DLGAP2: variants seen among roughly 807,000 people sequenced by gnomAD.
The protein encoded by DLGAP2 is DLG associated protein 2, also known as disks large-associated protein 2.
In DLGAP2, 26 loss-of-function variants were observed where a neutral mutation model predicts 100.3. The ratio of observed to expected loss-of-function variants is 0.26; its 90% CI spans 0.19 to 0.36. The LOEUF (loss-of-function observed/expected upper bound fraction) is 0.36. Ranked by LOEUF, DLGAP2 falls within the 10% of genes least tolerant of loss-of-function variation. The pLI is 1.00. For missense variants in DLGAP2, 1,858 were observed against 1,453.2 expected, an observed-to-expected ratio of 1.28 and a Z score of -4.53; for synonymous variants, 886 against 630.1, an observed-to-expected ratio of 1.41 and a Z score of -6.08.
intron 2 of DLGAP2, among the ~76,000 whole-genome samples, chr8:1,184,220 T>A (rs576121807): frequency 6.6e-6 from 1 of 152,364 alleles, no homozygotes; most frequent in East Asian, 1.9e-4. Flanking sequence ...AAGGTTAAAA[T>A]TTAAGTTGCA....
chr8:1,239,764 A>T (rs1287666877), intron 2 of DLGAP2, among the ~76,000 whole-genome samples: 1 of 26,598 alleles, frequency 3.8e-5, no homozygotes, highest in Non-Finnish European at 6.8e-5. Context: ...CTCACATGGC[A>T]CCGTGTCTAG....
chr8:1,464,411 C>CG (rs1563165039), intron 3 of DLGAP2, among the ~76,000 whole-genome samples: 6 of 80,280 alleles, frequency 7.5e-5, no homozygotes, highest in African/African-American at 1.5e-4. Context: ...CCTTCCAGGA[C>CG]AGCTCCCTTT....
At chr8:765,094 G>A (rs1290290778) in intron 1 of DLGAP2, among the ~76,000 whole-genome samples, 13 of 152,164 alleles carry the variant, frequency 8.5e-5, no homozygotes, top group Admixed American at 8.5e-4. Flanking sequence ...AGGGACTTGA[G>A]GAAATGGGGC....
intron 2 of DLGAP2, among the ~76,000 whole-genome samples, chr8:984,286 A>G (rs1800425160): frequency 6.6e-6 from 1 of 152,128 alleles, no homozygotes; most frequent in Non-Finnish European, 1.5e-5. Flanking sequence ...GAGCTGGTCA[A>G]AATCTCTCTC....
chr8:1,520,609 C>G (rs898212244), intron 4 of DLGAP2, among the ~76,000 whole-genome samples: 7 of 152,194 alleles, frequency 4.6e-5, no homozygotes, highest in Non-Finnish European at 1.5e-5. Context: ...CCCCCAACCC[C>G]TGGCAAACAC....
intron 3 of DLGAP2, among the ~76,000 whole-genome samples, chr8:1,328,683 C>T (rs1801079373): frequency 6.6e-6 from 1 of 152,130 alleles, no homozygotes; most frequent in Non-Finnish European, 1.5e-5. Context: ...TAGTGATCGT[C>T]ATTATTCATT....
At chr8:1,613,841 G>A (rs531452575) in intron 6 of DLGAP2, among the ~76,000 whole-genome samples, 127 of 152,216 alleles carry the variant, frequency 8.3e-4, no homozygotes, top group African/African-American at 2.7e-3. Flanking sequence ...ATTCTTTTTG[G>A]AAAAATCATA....
intron 3 of DLGAP2, among the ~76,000 whole-genome samples, chr8:1,353,564 T>C (rs1801783149): frequency 6.6e-6 from 1 of 152,198 alleles, no homozygotes; most frequent in Admixed American, 6.5e-5. Flanking sequence ...ATTAAATGCA[T>C]TTTTGACTTA....
intron 3 of DLGAP2, among the ~76,000 whole-genome samples, chr8:1,496,026 G>A (rs1799536194): frequency 6.6e-6 from 1 of 152,094 alleles, no homozygotes; most frequent in African/African-American, 2.4e-5. Flanking sequence ...GTTCTCCTTC[G>A]AGTGCCCAGA....
At chr8:1,074,071 C>A (rs908722578) in intron 2 of DLGAP2, among the ~76,000 whole-genome samples, 1 of 137,952 alleles carries the variant, frequency 7.2e-6, no homozygotes, top group African/African-American at 3.2e-5. Context: ...GGGTTTGCAG[C>A]AGACTGAGGC....
chr8:1,167,906 G>GT (rs1248642543), intron 2 of DLGAP2, among the ~76,000 whole-genome samples: 16 of 151,970 alleles, frequency 1.1e-4, no homozygotes, highest in African/African-American at 3.6e-4. Flanking sequence ...TATACTTTAA[G>GT]TTTTAGGGTA....
At chr8:1,049,602 C>T (rs1292540135) in intron 2 of DLGAP2, among the ~76,000 whole-genome samples, 1 of 152,100 alleles carries the variant, frequency 6.6e-6, no homozygotes, top group Non-Finnish European at 1.5e-5. Context: ...TATTCCTCCA[C>T]TCTGAAATAA....
intron 3 of DLGAP2, among the ~76,000 whole-genome samples, chr8:1,278,285 T>G (rs979735926): frequency 1.3e-5 from 2 of 152,198 alleles, no homozygotes; most frequent in African/African-American, 2.4e-5. Context: ...TTCTAAGATC[T>G]CTTCCAGTTG....
chr8:1,057,740 C>T (rs1802926114), intron 2 of DLGAP2, among the ~76,000 whole-genome samples: 1 of 152,244 alleles, frequency 6.6e-6, no homozygotes, highest in African/African-American at 2.4e-5. Context: ...TGACTATGTT[C>T]ATTGATACTA....
chr8:1,507,918 C>G (rs1016751854), intron 4 of DLGAP2, among the ~76,000 whole-genome samples: 5 of 149,426 alleles, frequency 3.3e-5, no homozygotes, highest in African/African-American at 1.3e-4. Flanking sequence ...AGCATCGTGA[C>G]CACACATTTT....
intron 3 of DLGAP2, among the ~76,000 whole-genome samples, chr8:1,315,383 A>G (rs62486209): frequency 1.3e-4 from 15 of 116,232 alleles, no homozygotes; most frequent in African/African-American, 3.3e-4. Flanking sequence ...CGTCTCTCCA[A>G]CAGTGGTCTA....
intron 6 of DLGAP2, among the ~76,000 whole-genome samples, chr8:1,615,893 T>C (rs947875690): frequency 6.6e-6 from 1 of 151,728 alleles, no homozygotes; most frequent in African/African-American, 2.4e-5. Context: ...TAAACAGCCA[T>C]TGTAAGGTCT....
chr8:928,895 G>C (rs574262625), intron 2 of DLGAP2, among the ~76,000 whole-genome samples: 1 of 151,990 alleles, frequency 6.6e-6, no homozygotes, highest in Non-Finnish European at 1.5e-5. Context: ...TAGGGGCAGG[G>C]TGGGCCGGAC....
chr8:805,441 C>G (rs1266796451), intron 1 of DLGAP2, among the ~76,000 whole-genome samples: 1 of 152,058 alleles, frequency 6.6e-6, no homozygotes, highest in African/African-American at 2.4e-5. Context: ...TTATGTCCCG[C>G]TAGACTCTTC....
Sources: gnomAD v4.1 joint callset for allele counts (sites outside exome capture counted in the v4.1 genomes callset) on GRCh38, gnomAD v4.1.1 for gene constraint, MANE v1.5 for transcripts, NCBI Gene and HGNC (gene_info 2026-07-23, HGNC 2026-07-21) for gene names.